Variants in CNTN5 observed in about 807,000 individuals in gnomAD.
The protein encoded by CNTN5 is contactin-5.
In CNTN5, 77 loss-of-function variants were observed where a neutral mutation model predicts 129.1. The observed-to-expected ratio is 0.60, with a 90% CI of 0.50 to 0.72. The LOEUF is 0.72. CNTN5 is among the 30% of genes least tolerant of loss of function. The pLI is 0.00. For synonymous variants in CNTN5, 509 were observed against 465.6 expected (o/e 1.09, Z -1.20); for missense variants, 1,478 against 1,328.8 (o/e 1.11, Z -1.75).
intron 13 of CNTN5, among the ~76,000 whole-genome samples, chr11:100,170,201 C>A (rs1947781383): frequency 6.6e-6 from 1 of 152,016 alleles, no homozygotes; most frequent in African/African-American, 2.4e-5. Context: ...ATATTACCAT[C>A]TCTCATTTTG....
chr11:99,653,115 A>C (rs1952221454), intron 3 of CNTN5, among the ~76,000 whole-genome samples: 1 of 152,024 alleles, frequency 6.6e-6, no homozygotes, highest in African/African-American at 2.4e-5. Flanking sequence ...TTTGAAAAAT[A>C]GGGCAATAAT....
At chr11:99,555,131 A>G (rs1948622602) in intron 2 of CNTN5, among the ~76,000 whole-genome samples, 1 of 152,042 alleles carries the variant, frequency 6.6e-6, no homozygotes, top group Non-Finnish European at 1.5e-5. Flanking sequence ...ACATAACTAT[A>G]TTACATTATG....
rs1052360520 is a variant in CNTN5, at chr11:99,780,654, A to C, written c.56-38890A>C. Among the ~76,000 whole-genome samples the C allele has an allele frequency of 2.0e-5, 3 of 152,070 alleles. No homozygotes were observed. The East Asian group carries it at 5.8e-4, about 29-fold the overall frequency. On this transcript the variant is annotated intron_variant, in intron 3 of 24. Transcript: ENST00000524871. ...TATTAAAATTTTAAGAACAGTTTGC[A>C]TTTCCATTTCACAGTATGTTTACTT...
At chr11:99,720,413 T>C (rs1943132817) in intron 3 of CNTN5, among the ~76,000 whole-genome samples, 1 of 151,220 alleles carries the variant, frequency 6.6e-6, no homozygotes, top group Non-Finnish European at 1.5e-5. Flanking sequence ...AAAAAACACA[T>C]GATTATTTCA....
chr11:99,651,266 T>A (rs1952146007), intron 3 of CNTN5, among the ~76,000 whole-genome samples: 1 of 151,928 alleles, frequency 6.6e-6, no homozygotes, highest in Admixed American at 6.6e-5. Context: ...ATTGATAACA[T>A]AGTATCTTAG....
At chr11:99,800,066 C>T (rs1006545552) in intron 3 of CNTN5, among the ~76,000 whole-genome samples, 1 of 150,496 alleles carries the variant, frequency 6.6e-6, no homozygotes, top group African/African-American at 2.5e-5. Flanking sequence ...TACATTGTTT[C>T]TGTTTTTTTC....
At chr11:99,434,391 A>T (rs920221622) in intron 2 of CNTN5, among the ~76,000 whole-genome samples, 8 of 152,166 alleles carry the variant, frequency 5.3e-5, no homozygotes, top group Non-Finnish European at 8.8e-5. Flanking sequence ...TGAGATTCGG[A>T]GGTTTTTGTT....
chr11:100,074,857 G>T (rs1268989554), intron 13 of CNTN5, among the ~76,000 whole-genome samples: 4 of 151,430 alleles, frequency 2.6e-5, no homozygotes, highest in South Asian at 2.1e-4. Context: ...TAAAGCCAAA[G>T]GATATCACAG....
intron 1 of CNTN5, among the ~76,000 whole-genome samples, chr11:99,156,814 T>C (rs763877583): frequency 6.6e-6 from 1 of 152,006 alleles, no homozygotes; most frequent in African/African-American, 2.4e-5. Context: ...ATGTGGATAG[T>C]ATTACAATGT....
intron 13 of CNTN5, among the ~76,000 whole-genome samples, chr11:100,111,005 C>CAAAA (rs5794036): frequency 2.2e-4 from 32 of 147,332 alleles, no homozygotes; most frequent in African/African-American, 5.7e-4. Flanking sequence ...AGTGTTAATG[C>CAAAA]AAAAAAAAAA....
chr11:100,083,116 G>T (rs4753967), intron 13 of CNTN5, among the ~76,000 whole-genome samples: 14,175 of 152,044 alleles, frequency 0.093, 801 homozygotes, highest in East Asian at 0.18. Flanking sequence ...AGGAGTTCGA[G>T]ACCAGCCTGG....
chr11:100,051,132 T>G (rs140379125), intron 9 of CNTN5, among the ~76,000 whole-genome samples: 354 of 152,142 alleles, frequency 2.3e-3, no homozygotes, highest in Middle Eastern at 0.01. Flanking sequence ...ACAGAAGACA[T>G]GAACACAGCT....
chr11:99,289,618 A>T (rs149322319), intron 1 of CNTN5, among the ~76,000 whole-genome samples: 1 of 151,766 alleles, frequency 6.6e-6, no homozygotes, highest in Non-Finnish European at 1.5e-5. Flanking sequence ...TTCTACTTTG[A>T]TCATCATCCC....
chr11:100,235,222 C>G (rs1565361494), intron 16 of CNTN5, among the ~76,000 whole-genome samples: 1 of 152,078 alleles, frequency 6.6e-6, no homozygotes, highest in Non-Finnish European at 1.5e-5. Flanking sequence ...TAAAATCAGA[C>G]TTTTTTTTCT....
At chr11:99,897,788 A>T (rs891315286) in intron 6 of CNTN5, among the ~76,000 whole-genome samples, 2 of 152,202 alleles carry the variant, frequency 1.3e-5, no homozygotes, top group Non-Finnish European at 2.9e-5. Context: ...ATAAAAACTT[A>T]CATATCAATA....
rs140212790 is a variant in CNTN5 at position 99,667,995 on chromosome 11, C to A, written c.55+111726C>A. Among the ~76,000 whole-genome samples the A allele has an allele frequency of 6.6e-5, 10 of 152,222 alleles. No homozygotes were observed. In the East Asian group the frequency reaches 1.7e-3, roughly 26 times the overall value. ...GCTTTGGAAGTTGTAATTATAATTT[C>A]TCTGATATTGCTTAATGTAAAAATT... On this transcript the variant is annotated intron_variant, in intron 3 of 24. Transcript: ENST00000524871.
At chr11:99,761,460 G>A (rs1219046) in intron 3 of CNTN5, among the ~76,000 whole-genome samples, 2 of 151,462 alleles carry the variant, frequency 1.3e-5, no homozygotes, top group African/African-American at 4.9e-5. Context: ...GTTCCCCTTC[G>A]TGTGTCCATG....
chr11:100,162,105 T>C (rs1947475996), intron 13 of CNTN5, among the ~76,000 whole-genome samples: 1 of 151,844 alleles, frequency 6.6e-6, no homozygotes, highest in Non-Finnish European at 1.5e-5. Flanking sequence ...CTCCTTGGAC[T>C]CTCATTCTGG....
chr11:99,650,437 C>G (rs932143308), intron 3 of CNTN5, among the ~76,000 whole-genome samples: 1 of 151,876 alleles, frequency 6.6e-6, no homozygotes, highest in Non-Finnish European at 1.5e-5. Context: ...CTAATCATCT[C>G]TGCTACATGA....
Sources: gnomAD v4.1 joint callset for allele counts (sites outside exome capture counted in the v4.1 genomes callset) on GRCh38, gnomAD v4.1.1 for gene constraint, MANE v1.5 for transcripts, NCBI Gene and HGNC (gene_info 2026-07-23, HGNC 2026-07-21) for gene names.